ERC1: variants seen among roughly 807,000 people sequenced by gnomAD.
ERC1 encodes the protein RAB6 interacting protein 2.
A neutral mutation model predicts 132.0 loss-of-function variants in ERC1; 56 were observed. That is an observed-to-expected ratio of 0.42 (90% confidence interval 0.34 to 0.53). ERC1 has a LOEUF of 0.53. Among genes scored for constraint, ERC1 ranks in the 20% least tolerant of loss-of-function variants. ERC1 has a pLI of 0.03. For synonymous variants in ERC1, 478 were observed against 476.1 expected (o/e 1.00, Z -0.05); for missense variants, 1,202 against 1,349.9 (o/e 0.89, Z 1.72).
At chr12:1,115,793 A>G in intron 6 of ERC1, 73 bp from the exon 7 acceptor site, 1 of 1,287,812 alleles carries the variant, frequency 7.8e-7, no homozygotes. Context: ...TGTGACTCAG[A>G]TCTGTGAAAG....
At chr12:1,444,462 T>C (rs1204448068) in intron 17 of ERC1, 100 bp from the exon 18 acceptor site, 5 of 802,772 alleles carry the variant, frequency 6.2e-6, no homozygotes, top group Non-Finnish European at 9.5e-6. Flanking sequence ...TGGTCAATTT[T>C]CTTTGACTTG....
At chr12:1,101,215 C>G (rs1049742483) in intron 3 of ERC1, among the ~76,000 whole-genome samples, 2 of 152,304 alleles carry the variant, frequency 1.3e-5, no homozygotes, top group Admixed American at 1.3e-4. Flanking sequence ...ATCTCCAAAA[C>G]TTAGTTCCTG....
rs2094326458 is a variant in ERC1 at position 1,492,510 on chromosome 12, T to C, written c.*2280T>C. The C allele has an allele frequency of 4.3e-6, 1 of 233,154 alleles. No individual in the cohort carries two copies. The highest frequency in any genetic ancestry group is 1.8e-4 in the South Asian group (1 of 5,532). 14.4% of individuals were successfully genotyped at this position (233,154 alleles called of 1,614,324 possible). The stretch of plus-strand genomic sequence containing the variant: ...TGGCCCAGATCCCACCCACGTGGAC[T>C]TTCTCATCAGGTGCAGCGCCTGCCA... On this transcript the variant is annotated 3_prime_UTR_variant, in exon 19 of 19. Coordinates refer to ENST00000360905, the MANE Select transcript of ERC1 (RefSeq NM_178040.4).
intron 12 of ERC1, among the ~76,000 whole-genome samples, chr12:1,222,825 GC>G (rs1314521564): frequency 6.6e-6 from 1 of 152,094 alleles, no homozygotes; most frequent in Non-Finnish European, 1.5e-5. Flanking sequence ...GTAGCCTCTG[GC>G]AAATGTTGTT....
At chr12:1,187,747 T>A (rs569703908) in intron 11 of ERC1, among the ~76,000 whole-genome samples, 2 of 152,356 alleles carry the variant, frequency 1.3e-5, no homozygotes, top group Non-Finnish European at 2.9e-5. Context: ...TACAAATAAT[T>A]GAGTTTTTAC....
At chr12:1,062,611 T>G (rs1938242408) in intron 2 of ERC1, among the ~76,000 whole-genome samples, 1 of 152,238 alleles carries the variant, frequency 6.6e-6, no homozygotes, top group Admixed American at 6.5e-5. Context: ...TTGTTGAGAC[T>G]TGTTTCGTGG....
intron 7 of ERC1, among the ~76,000 whole-genome samples, chr12:1,125,503 T>G (rs1948060998): frequency 6.6e-6 from 1 of 152,092 alleles, no homozygotes; most frequent in Non-Finnish European, 1.5e-5. Context: ...TATATATTCT[T>G]CTGCATTTCC....
intron 12 of ERC1, among the ~76,000 whole-genome samples, chr12:1,219,965 C>G (rs1473217952): frequency 6.6e-6 from 1 of 152,220 alleles, no homozygotes; most frequent in Non-Finnish European, 1.5e-5. Flanking sequence ...GCTCCTTCCA[C>G]AGCTTAGGCT....
intron 4 of ERC1, among the ~76,000 whole-genome samples, chr12:1,108,224 G>T (rs1489973706): frequency 1.3e-5 from 2 of 152,138 alleles, no homozygotes; most frequent in Admixed American, 6.5e-5. Flanking sequence ...AGGTTTTATG[G>T]CTCATGATTT....
intron 1 of ERC1, among the ~76,000 whole-genome samples, chr12:997,882 A>G (rs1961265674): frequency 6.6e-6 from 1 of 152,196 alleles, no homozygotes; most frequent in Non-Finnish European, 1.5e-5. Flanking sequence ...TAAGGCAGAG[A>G]GGTAGCAAGA....
intron 3 of ERC1, among the ~76,000 whole-genome samples, chr12:1,098,101 CTTTG>C (rs1407827259): frequency 1.3e-5 from 2 of 152,174 alleles, no homozygotes; most frequent in African/African-American, 2.4e-5. Context: ...GACTGCTGTT[CTTTG>C]TTTGGGCTTT....
intron 12 of ERC1, among the ~76,000 whole-genome samples, chr12:1,218,356 T>C (rs1958619794): frequency 6.6e-6 from 1 of 152,162 alleles, no homozygotes; most frequent in African/African-American, 2.4e-5. Flanking sequence ...TTCTCCTTGT[T>C]CACAAGTGTA....
At position 1,296,582 on chromosome 12, in the gene ERC1, T is replaced by A. The variant is rs926729849; in HGVS notation, c.2780+6570T>A. 2.0e-5 allele frequency among the ~76,000 whole-genome samples: 3 copies of A among 151,914 alleles called. 1 individual carries two copies. The highest frequency in any genetic ancestry group is 4.4e-5 in the Non-Finnish European group (3 of 67,974). ...GCATGCGCCATCACAGCCAGCTAATTTTGTATTTTTAGTAGAGGCGAGGTT... is the reference window on the plus strand; with the variant it reads ...GCATGCGCCATCACAGCCAGCTAATATTGTATTTTTAGTAGAGGCGAGGTT... On this transcript the variant is annotated intron_variant, in intron 15 of 18. Coordinates refer to ENST00000360905, the MANE Select transcript of ERC1 (RefSeq NM_178040.4).
chr12:1,399,840 C>T (rs2090867921), intron 16 of ERC1, among the ~76,000 whole-genome samples: 1 of 152,124 alleles, frequency 6.6e-6, no homozygotes, highest in Non-Finnish European at 1.5e-5. Context: ...AATAATGATG[C>T]CGTGAACATT....
intron 11 of ERC1, among the ~76,000 whole-genome samples, chr12:1,188,128 C>T (rs1272014300): frequency 1.3e-5 from 2 of 152,168 alleles, no homozygotes; most frequent in African/African-American, 4.8e-5. Context: ...AGCTGGCCTT[C>T]ACTTTTGTTT....
At chr12:1,309,714 CTTT>C (rs201086756) in intron 15 of ERC1, among the ~76,000 whole-genome samples, 3,742 of 135,252 alleles carry the variant, frequency 0.028, 67 homozygotes, top group South Asian at 0.085. Flanking sequence ...TGCACTCTGA[CTTT>C]TTTTTTTTTT....
chr12:1,017,495 ATTTT>A (rs67654163), intron 1 of ERC1, among the ~76,000 whole-genome samples: 1 of 124,890 alleles, frequency 8.0e-6, no homozygotes, highest in Admixed American at 8.4e-5. Flanking sequence ...TTGTTCTGGT[ATTTT>A]TTTTTTTTTT....
chr12:1,185,355 ATGC>A (rs1295761092), intron 11 of ERC1, among the ~76,000 whole-genome samples: 1 of 151,980 alleles, frequency 6.6e-6, no homozygotes, highest in Non-Finnish European at 1.5e-5. Context: ...AATTTTAAAA[ATGC>A]TTAATGCTTT....
intron 13 of ERC1, among the ~76,000 whole-genome samples, chr12:1,240,112 A>T (rs2075697698): frequency 6.6e-6 from 1 of 152,238 alleles, no homozygotes; most frequent in Non-Finnish European, 1.5e-5. Flanking sequence ...CCTAGGATAG[A>T]CAGTTTGAGC....
Sources: gnomAD v4.1 joint callset for allele counts (sites outside exome capture counted in the v4.1 genomes callset) on GRCh38, gnomAD v4.1.1 for gene constraint, MANE v1.5 for transcripts, NCBI Gene and HGNC (gene_info 2026-07-23, HGNC 2026-07-21) for gene names.